The following ZMYM2 variants were observed in gnomAD, a reference collection of about 807,000 sequenced individuals.
ZMYM2 encodes zinc finger MYM-type containing 2.
A neutral mutation model predicts 162.8 loss-of-function variants in ZMYM2; 56 were observed. The ratio of observed to expected loss-of-function variants is 0.34; its 90% confidence interval spans 0.28 to 0.43. ZMYM2 has a LOEUF of 0.43. Among genes scored for constraint, ZMYM2 ranks in the 20% least tolerant of loss-of-function variants. The probability of loss-of-function intolerance (pLI) is 1.00; values close to 1 mark genes in which losing one functional copy is unlikely to be tolerated. For synonymous variants in ZMYM2, 510 were observed against 541.6 expected (o/e 0.94, Z 0.81); for missense variants, 1,275 against 1,621.8 (o/e 0.79, Z 3.67).
At chr13:20,074,019 TTTCC>T (rs1957287033) in intron 21 of ZMYM2, among the ~76,000 whole-genome samples, 1 of 152,162 alleles carries the variant, frequency 6.6e-6, no homozygotes, top group African/African-American at 2.4e-5. Flanking sequence ...TAACTCTCCA[TTTCC>T]TTCTCTACTG....
the ZMYM2 span, among the ~76,000 whole-genome samples, chr13:19,896,763 A>AG: frequency 4.0e-5 from 6 of 148,784 alleles, no homozygotes; most frequent in Non-Finnish European, 7.4e-5. Flanking sequence ...TCCATCTCAA[A>AG]AAAAAAAAAA....
At chr13:20,042,208 T>C (rs948864457) in intron 12 of ZMYM2, among the ~76,000 whole-genome samples, 2 of 152,168 alleles carry the variant, frequency 1.3e-5, no homozygotes, top group African/African-American at 4.8e-5. Flanking sequence ...GAGTTATAGA[T>C]TTGGTCTCTT....
the ZMYM2 span, among the ~76,000 whole-genome samples, chr13:19,919,680 CTTT>C: frequency 3.6e-5 from 5 of 137,274 alleles, no homozygotes; most frequent in East Asian, 2.2e-4. Context: ...TTTTCTTTTT[CTTT>C]TTTTTTTTTT....
rs750602850 is a variant in ZMYM2 at position 20,082,811 on chromosome 13, A to G, written c.3599A>G (p.Tyr1200Cys). Residue 1200 changes from tyrosine to cysteine, a missense_variant, in exon 23 of 25, where the codon TAT becomes TGT. Physicochemically the swap from Tyr to Cys is radical, Grantham distance 194. This residue lies in a region of ZMYM2 where 103 missense variants were observed against 192.2 expected (regional missense o/e 0.54). Transcript: ENST00000610343. ...GSIFSRVEEDYLWRIKQLGSH... is the reference protein window; with the variant it reads ...GSIFSRVEEDCLWRIKQLGSH... Reference sequence around the variant, plus strand: ...ATATTCTCTCGAGTTGAAGAAGACTATCTCTGGAGGATAAAACAACTAGGA... The same window carrying G: ...ATATTCTCTCGAGTTGAAGAAGACTGTCTCTGGAGGATAAAACAACTAGGA... 18 of 1,611,838 alleles carry G rather than the reference A, an allele frequency of 1.1e-5. No homozygotes were observed. The highest frequency in any genetic ancestry group is 6.7e-5 in the East Asian group (3 of 44,820).
intron 6 of ZMYM2, among the ~76,000 whole-genome samples, chr13:20,015,196 C>T (rs1951523804): frequency 6.6e-6 from 1 of 151,908 alleles, no homozygotes. Flanking sequence ...TTAAAAATTT[C>T]CTGTGATTTC....
At chr13:20,007,110 T>G (rs926193637) in intron 6 of ZMYM2, among the ~76,000 whole-genome samples, 1 of 152,170 alleles carries the variant, frequency 6.6e-6, no homozygotes, top group Non-Finnish European at 1.5e-5. Context: ...TCGTATTGTT[T>G]ATATTTAAAT....
Position 20,026,672 on chromosome 13 carries a change from ACT to A in ZMYM2, c.1647_1648del (p.Gln550ValfsTer5). 1 of 1,610,616 alleles carries A rather than the reference ACT, an allele frequency of 6.2e-7. No homozygotes were observed. Among genetic ancestry groups the A allele is most frequent in the Non-Finnish European group, 8.5e-7 (1 of 1,179,118 alleles). On this transcript the variant is annotated frameshift_variant, in exon 8 of 25. Transcript: ENST00000610343. LOFTEE classifies it high-confidence loss of function. ...CRTQCRFFDM[T>X]QCIGPNGYME... The stretch of plus-strand genomic sequence containing the variant: ...AACACAGTGCAGGTTTTTTGATATG[ACT>A]CAGTGTATAGGTCCTAATGGATATA...
At chr13:20,085,182 T>C (rs1436164567) in intron 24 of ZMYM2, among the ~76,000 whole-genome samples, 2 of 152,178 alleles carry the variant, frequency 1.3e-5, no homozygotes, top group African/African-American at 4.8e-5. Flanking sequence ...ACTCCTCACA[T>C]GAGGTCAGGT....
At chr13:19,906,284 G>GTGTA in the ZMYM2 span, among the ~76,000 whole-genome samples, 18 of 63,790 alleles carry the variant, frequency 2.8e-4, no homozygotes, top group African/African-American at 1.1e-3. Context: ...TCAAAAAAAA[G>GTGTA]TATATATATA....
chr13:19,962,542 G>A (rs1229138966), intron 2 of ZMYM2, among the ~76,000 whole-genome samples: 4 of 14,118 alleles, frequency 2.8e-4, no homozygotes, highest in Non-Finnish European at 7.6e-4. Context: ...TTTTTTTTTT[G>A]AGATGGAGTT....
rs192375681 is a variant in ZMYM2 at position 20,011,904 on chromosome 13, A to G, written c.1512+5318A>G. Among the ~76,000 whole-genome samples the G allele has an allele frequency of 4.9e-3, 742 of 152,082 alleles. 5 individuals are homozygous for G. Among genetic ancestry groups the G allele is most frequent in the Non-Finnish European group, 8.3e-3 (561 of 67,976 alleles). On this transcript the variant is annotated intron_variant, in intron 6 of 24. Coordinates refer to ENST00000610343, the MANE Select transcript of ZMYM2 (RefSeq NM_197968.4). ...GCTGGGATTACAGGCGCACACCACC[A>G]TGCCCAGCTATTTTTTTGTATTTTT...
intron 21 of ZMYM2, among the ~76,000 whole-genome samples, chr13:20,076,314 T>C (rs1957500845): frequency 6.6e-6 from 1 of 150,600 alleles, no homozygotes; most frequent in South Asian, 2.1e-4. Flanking sequence ...TCCTTCCTCC[T>C]CTGCTCCCCT....
At chr13:20,037,431 G>A (rs1312283606) in intron 12 of ZMYM2, among the ~76,000 whole-genome samples, 1 of 151,818 alleles carries the variant, frequency 6.6e-6, no homozygotes, top group African/African-American at 2.4e-5. Flanking sequence ...GGCCAGGTTG[G>A]TCTCGAACTC....
chr13:19,972,872 G>A (rs1293671522), intron 2 of ZMYM2, among the ~76,000 whole-genome samples: 3 of 150,644 alleles, frequency 2.0e-5, no homozygotes, highest in East Asian at 1.9e-4. Context: ...TACAAGTATC[G>A]ATTTTTTGTT....
the ZMYM2 span, among the ~76,000 whole-genome samples, chr13:19,891,342 C>T: frequency 2.0e-5 from 3 of 151,796 alleles, no homozygotes; most frequent in Non-Finnish European, 4.4e-5. Flanking sequence ...CTTGATGGCA[C>T]CTTGACCTTA....
upstream of ZMYM2, chr13:19,958,590 A>G (rs1954733299): frequency 6.6e-6 from 1 of 150,716 alleles, no homozygotes; most frequent in Non-Finnish European, 1.5e-5. Flanking sequence ...CACCCTACCG[A>G]GGGGGGGCCC....
upstream of ZMYM2, among the ~76,000 whole-genome samples, chr13:19,958,268 C>A (rs1175240454): frequency 1.3e-5 from 2 of 152,140 alleles, no homozygotes; most frequent in African/African-American, 4.8e-5. Context: ...GCATCGAGGC[C>A]GCGGCTCTCC....
chr13:20,007,003 T>C (rs1950792743), intron 6 of ZMYM2, among the ~76,000 whole-genome samples: 1 of 152,244 alleles, frequency 6.6e-6, no homozygotes, highest in Non-Finnish European at 1.5e-5. Context: ...TAATGGTAAA[T>C]GCTATCAGAA....
rs192135180 is a variant in ZMYM2 at position 20,062,899 on chromosome 13, C to G, written c.2965C>G (p.Pro989Ala). 2.5e-6 allele frequency: 4 copies of G among 1,598,806 alleles called. No homozygotes were observed. The highest frequency in any genetic ancestry group is 1.1e-5 in the South Asian group (1 of 88,822). The stretch of plus-strand genomic sequence containing the variant: ...TTCAGACCTTTTGAAGAACTCTGAC[C>G]CAGAGACACAGTCCAGCATGCCTGA... ...IGSDLLKNSD[P>A]ETQSSMPDVP... is the part of the protein sequence containing the mutation. Residue 989 changes from proline (P) to alanine (A), a missense_variant, in exon 18 of 25, where the codon CCA (proline) becomes GCA (alanine). Transcript: ENST00000610343.
Sources: allele counts gnomAD v4.1 joint callset (sites outside exome capture counted in the v4.1 genomes callset), GRCh38; gene constraint gnomAD v4.1.1; regional missense constraint gnomAD v4.1.1; transcripts MANE v1.5; gene names NCBI Gene and HGNC (gene_info 2026-07-23, HGNC 2026-07-21).